Variants in SEC31A observed in about 807,000 individuals in gnomAD.
SEC31A encodes protein transport protein Sec31A.
A neutral mutation model predicts 151.0 loss-of-function variants in SEC31A; 70 were observed. The observed-to-expected ratio is 0.46, with a 90% CI of 0.38 to 0.57. SEC31A has a LOEUF of 0.57. Ranked by LOEUF, SEC31A falls within the 20% of genes least tolerant of loss-of-function variation. SEC31A has a pLI of 0.00. For synonymous variants in SEC31A, 475 were observed against 505.9 expected, an observed-to-expected ratio of 0.94 and a Z score of 0.82; for missense variants, 1,330 against 1,471.2, an observed-to-expected ratio of 0.90 and a Z score of 1.57.
intron 25 of SEC31A, among the ~76,000 whole-genome samples, chr4:82,822,151 A>G (rs1221138600): frequency 6.6e-6 from 1 of 152,216 alleles, no homozygotes; most frequent in East Asian, 1.9e-4. Flanking sequence ...TGTTAGTTCA[A>G]TATTTATTGG....
At chr4:82,883,607 T>A (rs967266403) in intron 1 of SEC31A, among the ~76,000 whole-genome samples, 1 of 152,114 alleles carries the variant, frequency 6.6e-6, no homozygotes, top group Non-Finnish European at 1.5e-5. Flanking sequence ...AGCAAGTGGA[T>A]TGCTTGAGCC....
chr4:82,899,175 T>A (rs1052608297), intron 3 of SEC31A, among the ~76,000 whole-genome samples: 3 of 152,192 alleles, frequency 2.0e-5, no homozygotes, highest in African/African-American at 7.2e-5. Flanking sequence ...ACACGGAAAC[T>A]AAATTAGTGT....
intron 2 of SEC31A, among the ~76,000 whole-genome samples, chr4:82,881,175 C>T (rs980802851): frequency 5.9e-5 from 9 of 152,066 alleles, no homozygotes; most frequent in South Asian, 4.1e-4. Flanking sequence ...AAAATGGTCC[C>T]GTGATGGGGG....
rs79144522 is a variant in SEC31A, at chr4:82,857,630, G to T, written c.1702+59C>A. On this transcript the variant is annotated intron_variant, in intron 15 of 26. Coordinates refer to ENST00000395310, the MANE Select transcript of SEC31A (RefSeq NM_001077207.4). ...TTGAAGCATTTTAACTTAAATGCAG[G>T]AACTATTTGTTTTCCAATGGTTAAA... 7,762 of 1,075,390 alleles carry T rather than the reference G, an allele frequency of 7.2e-3. 92 individuals carry two copies. The highest frequency in any genetic ancestry group is 0.012 in the Middle Eastern group (59 of 4,952). The allele number at this position is 1,075,390 out of a possible 1,614,324, so 66.6% of individuals were successfully genotyped here.
intron 23 of SEC31A, among the ~76,000 whole-genome samples, chr4:82,828,318 C>T (rs1407287639): frequency 6.6e-6 from 1 of 152,084 alleles, no homozygotes; most frequent in Non-Finnish European, 1.5e-5. Flanking sequence ...GAATGTAATA[C>T]CTAAGTAGAC....
chr4:82,894,667 C>T (rs988377117), upstream of SEC31A: 1 of 152,204 alleles, frequency 6.6e-6, no homozygotes, highest in Admixed American at 6.5e-5. Context: ...AAACTGATTT[C>T]TTTGGAGCAC....
chr4:82,887,413 A>AAGAAG (rs1740983682), intron 1 of SEC31A, among the ~76,000 whole-genome samples: 1 of 151,960 alleles, frequency 6.6e-6, no homozygotes, highest in Admixed American at 6.6e-5. Context: ...AAGAAAAGAA[A>AAGAAG]AAAGAAAGGA....
At chr4:82,849,822 T>C (rs1731111405) in intron 19 of SEC31A, among the ~76,000 whole-genome samples, 1 of 152,148 alleles carries the variant, frequency 6.6e-6, no homozygotes, top group South Asian at 2.1e-4. Context: ...TGACCCTATA[T>C]ATGCTCTAAG....
chr4:82,888,365 AAAAAAAAAC>A (rs1578412474), intron 1 of SEC31A, among the ~76,000 whole-genome samples: 2 of 6,844 alleles, frequency 2.9e-4, no homozygotes, highest in African/African-American at 7.2e-4. Context: ...AAAAAAAAAA[AAAAAAAAAC>A]ACACAAAAAA....
At chr4:82,867,400 C>T in intron 8 of SEC31A, 84 bp from the exon 9 acceptor site, 1 of 1,118,686 alleles carries the variant, frequency 8.9e-7, no homozygotes, top group Non-Finnish European at 1.3e-6. Flanking sequence ...ATGTGGTCAA[C>T]AAGTATAGTT....
chr4:82,859,145 A>G (rs1362838720), intron 14 of SEC31A, among the ~76,000 whole-genome samples: 1 of 152,194 alleles, frequency 6.6e-6, no homozygotes, highest in Non-Finnish European at 1.5e-5. Context: ...AAAAAATCAC[A>G]TGGTACCCAT....
chr4:82,842,108 G>A (rs781584759), intron 22 of SEC31A, 32 bp downstream of exon 22: 1 of 1,496,692 alleles, frequency 6.7e-7, no homozygotes. Flanking sequence ...AATAAAGGAG[G>A]GGGCCAAACC....
chr4:82,847,668 A>G (rs1237553153), intron 20 of SEC31A, among the ~76,000 whole-genome samples: 3 of 152,138 alleles, frequency 2.0e-5, no homozygotes, highest in African/African-American at 7.2e-5. Context: ...TCTGCTTCTC[A>G]GTTTTCCCAG....
Position 82,861,707 on chromosome 4 carries a change from G to GA in SEC31A, c.1549_1550insT (p.Ala517ValfsTer3). ...TGCTACTTGGTCAGAGTCTTTAAGAGCCTTTGGTACACAAAACAATTACAG... is the reference window on the plus strand; with the variant it reads ...TGCTACTTGGTCAGAGTCTTTAAGAGACCTTTGGTACACAAAACAATTACAG... On this transcript the variant is annotated frameshift_variant and splice_region_variant, in exon 14 of 27. Coordinates refer to ENST00000395310, the MANE Select transcript of SEC31A (RefSeq NM_001077207.4). LOFTEE classifies it high-confidence loss of function. 6.2e-7 allele frequency: 1 copy of GA among 1,603,184 alleles called. No homozygotes were observed. Among genetic ancestry groups the GA allele is most frequent in the African/African-American group, 1.3e-5 (1 of 74,826 alleles).
chr4:82,879,055 C>T, intron 3 of SEC31A, 127 bp from the exon 4 acceptor site: 1 of 682,176 alleles, frequency 1.5e-6, no homozygotes, highest in South Asian at 1.9e-5. Flanking sequence ...TCCCACCACT[C>T]CTGGTAACTA....
At chr4:82,895,629 T>C (rs1720031194), upstream of SEC31A, 1 of 152,254 alleles carries the variant, frequency 6.6e-6, no homozygotes, top group South Asian at 2.1e-4. Context: ...TAAATGTCAA[T>C]TTTCTGCTCA....
intron 25 of SEC31A, 37 bp downstream of exon 25, chr4:82,824,518 A>G (rs781420568): frequency 6.2e-7 from 1 of 1,602,622 alleles, no homozygotes; most frequent in Non-Finnish European, 8.5e-7. Context: ...GATTCTTCTA[A>G]TTAAGCAAAA....
At chr4:82,824,729 C>T (rs1015401714) in intron 24 of SEC31A, 55 bp from the exon 25 acceptor site, 9 of 1,581,118 alleles carry the variant, frequency 5.7e-6, no homozygotes, top group Middle Eastern at 3.4e-4. Context: ...ACCTTATATA[C>T]ACAATCTTGA....
chr4:82,854,599 C>T (rs936726654), intron 17 of SEC31A, among the ~76,000 whole-genome samples: 1 of 151,192 alleles, frequency 6.6e-6, no homozygotes, highest in African/African-American at 2.4e-5. Context: ...GTCTATTTCA[C>T]AGATGAATAA....
Sources: allele counts gnomAD v4.1 joint callset (sites outside exome capture counted in the v4.1 genomes callset), GRCh38; gene constraint gnomAD v4.1.1; transcripts MANE v1.5; gene names NCBI Gene and HGNC (gene_info 2026-07-23, HGNC 2026-07-21).